Variants in IL1RAPL2 observed in about 807,000 individuals in gnomAD.
IL1RAPL2 encodes X-linked interleukin-1 receptor accessory protein-like 2.
In IL1RAPL2, 3 loss-of-function variants were observed where a neutral mutation model predicts 44.1. The ratio of observed to expected loss-of-function variants is 0.07; its 90% confidence interval spans 0.03 to 0.18. The LOEUF (loss-of-function observed/expected upper bound fraction) is 0.18, where lower values mean the gene tolerates loss of function less well. IL1RAPL2 is among the 10% of genes least tolerant of loss of function. The probability of loss-of-function intolerance (pLI) is 1.00; values close to 1 mark genes in which losing one functional copy is unlikely to be tolerated. For missense variants in IL1RAPL2, 391 were observed against 496.4 expected (o/e 0.79, Z 2.02); for synonymous variants, 181 against 178.8 (o/e 1.01, Z -0.10).
At chrX:105,707,753 T>C (rs1602532429) in intron 6 of IL1RAPL2, among the ~76,000 whole-genome samples, 1 of 112,124 alleles carries the variant, frequency 8.9e-6, no homozygotes, top group Non-Finnish European at 1.9e-5. Context: ...CAGAATACCT[T>C]AAGCACTTAG....
chrX:104,636,258 A>C lies in IL1RAPL2; in HGVS notation c.-19-22637A>C, dbSNP rs1002235989. On this transcript the variant is annotated intron_variant, in intron 1 of 10. Coordinates refer to ENST00000372582, the MANE Select transcript of IL1RAPL2 (RefSeq NM_017416.2). ...TGAGGTGTCAGTCTGCCCCTACTGG[A>C]GGGTGCCTCCCAGTTAGGCTACTCA... 2.6e-4 allele frequency among the ~76,000 whole-genome samples: 29 copies of C among 111,856 alleles called. 1 individual carries two copies. Among genetic ancestry groups the C allele is most frequent in the Non-Finnish European group, 4.5e-4 (24 of 53,086 alleles).
At chrX:104,943,782 A>G (rs922027782) in intron 2 of IL1RAPL2, among the ~76,000 whole-genome samples, 6 of 111,625 alleles carry the variant, frequency 5.4e-5, no homozygotes, top group African/African-American at 1.9e-4. Context: ...TTACTTACCT[A>G]TCATGTTCAT....
chrX:104,887,530 C>T (rs1375322213), intron 2 of IL1RAPL2, among the ~76,000 whole-genome samples: 1 of 111,412 alleles, frequency 9.0e-6, no homozygotes, highest in Non-Finnish European at 1.9e-5. Flanking sequence ...ATCTCACTGT[C>T]TGGACTACTC....
At chrX:105,227,961 A>G (rs1238293356) in intron 3 of IL1RAPL2, among the ~76,000 whole-genome samples, 1 of 111,502 alleles carries the variant, frequency 9.0e-6, no homozygotes, top group Non-Finnish European at 1.9e-5. Flanking sequence ...CCTTTACTAG[A>G]AAACCTTATT....
At chrX:104,897,011 G>A (rs1187860836) in intron 2 of IL1RAPL2, among the ~76,000 whole-genome samples, 5 of 111,800 alleles carry the variant, frequency 4.5e-5, no homozygotes, top group African/African-American at 6.5e-5. Context: ...AACATCTGAA[G>A]GAATGAACTC....
chrX:104,605,069 T>A (rs150807320), intron 1 of IL1RAPL2, among the ~76,000 whole-genome samples: 1 of 111,876 alleles, frequency 8.9e-6, no homozygotes, highest in Admixed American at 9.6e-5. Context: ...TAATTGGAAG[T>A]AAAACACTCC....
intron 2 of IL1RAPL2, among the ~76,000 whole-genome samples, chrX:104,840,106 C>T (rs529484787): frequency 9.0e-6 from 1 of 111,437 alleles, no homozygotes; most frequent in Non-Finnish European, 1.9e-5. Flanking sequence ...TTTCTGCTAG[C>T]TTTTGAATTT....
intron 6 of IL1RAPL2, among the ~76,000 whole-genome samples, chrX:105,697,028 T>G (rs1240905881): frequency 9.2e-6 from 1 of 109,056 alleles, no homozygotes; most frequent in African/African-American, 3.3e-5. Flanking sequence ...AGTAGGGGAG[T>G]AGGTTTGTCC....
At chrX:104,704,990 G>T (rs1931340569) in intron 2 of IL1RAPL2, among the ~76,000 whole-genome samples, 1 of 111,738 alleles carries the variant, frequency 8.9e-6, no homozygotes, top group South Asian at 3.7e-4. Flanking sequence ...TTTCTATTGG[G>T]AAGATGGGAA....
At chrX:105,014,199 A>G (rs747197479) in intron 2 of IL1RAPL2, among the ~76,000 whole-genome samples, 1 of 111,910 alleles carries the variant, frequency 8.9e-6, no homozygotes, top group African/African-American at 3.2e-5. Context: ...TTATTGTTAC[A>G]TAATATTTGC....
intron 2 of IL1RAPL2, among the ~76,000 whole-genome samples, chrX:104,884,072 G>A (rs779484714): frequency 2.9e-4 from 32 of 110,120 alleles, no homozygotes; most frequent in African/African-American, 9.5e-4. Flanking sequence ...CGCTAAATCC[G>A]ATTTTTCTCA....
chrX:105,365,665 G>T (rs1043658544), intron 5 of IL1RAPL2, among the ~76,000 whole-genome samples: 1 of 111,005 alleles, frequency 9.0e-6, no homozygotes, highest in African/African-American at 3.3e-5. Flanking sequence ...GTCTTTTTAG[G>T]TTATCTAATT....
intron 6 of IL1RAPL2, among the ~76,000 whole-genome samples, chrX:105,493,091 T>C (rs1480592539): frequency 4.4e-5 from 5 of 112,493 alleles, no homozygotes; most frequent in Non-Finnish European, 9.4e-5. Context: ...TCAGTCATTG[T>C]TATTGCATGT....
chrX:105,592,067 C>G (rs957352781), intron 6 of IL1RAPL2, among the ~76,000 whole-genome samples: 6 of 111,776 alleles, frequency 5.4e-5, no homozygotes, highest in Non-Finnish European at 9.4e-5. Flanking sequence ...TAATTGGTCT[C>G]TAAGAACTTC....
intron 2 of IL1RAPL2, among the ~76,000 whole-genome samples, chrX:104,679,028 T>C (rs777703214): frequency 7.1e-5 from 8 of 112,172 alleles, no homozygotes; most frequent in Admixed American, 3.8e-4. Context: ...CGGAGATGTA[T>C]AAAATCTGAT....
intron 2 of IL1RAPL2, among the ~76,000 whole-genome samples, chrX:104,882,316 T>C (rs1248332899): frequency 8.9e-6 from 1 of 112,318 alleles, no homozygotes. Context: ...CATGAGGTGA[T>C]ATTTTTCTTT....
At chrX:104,671,526 C>T (rs1381277674) in intron 2 of IL1RAPL2, among the ~76,000 whole-genome samples, 3 of 111,465 alleles carry the variant, frequency 2.7e-5, no homozygotes, top group African/African-American at 9.8e-5. Context: ...AATTGTCCTT[C>T]CTCTGTGCTC....
chrX:104,985,911 T>C (rs184604399), intron 2 of IL1RAPL2, among the ~76,000 whole-genome samples: 31 of 112,018 alleles, frequency 2.8e-4, no homozygotes, highest in African/African-American at 8.4e-4. Flanking sequence ...ACTTGTGGTA[T>C]GCAAAAGGAA....
chrX:104,710,115 C>T (rs1931432364), intron 2 of IL1RAPL2, among the ~76,000 whole-genome samples: 2 of 110,839 alleles, frequency 1.8e-5, no homozygotes, highest in Admixed American at 9.6e-5. Context: ...GCCATATGAC[C>T]CAGCAAATCT....
Sources: gnomAD v4.1 joint callset for allele counts (sites outside exome capture counted in the v4.1 genomes callset) on GRCh38, gnomAD v4.1.1 for gene constraint, MANE v1.5 for transcripts, NCBI Gene and HGNC (gene_info 2026-07-23, HGNC 2026-07-21) for gene names.